USP36: variants seen among roughly 807,000 people sequenced by gnomAD.
USP36 encodes the protein ubiquitin specific peptidase 36, also known as ubiquitin carboxyl-terminal hydrolase 36.
USP36 carries 59 observed loss-of-function variants against 111.5 expected under a neutral mutation model. The ratio of observed to expected loss-of-function variants is 0.53; its 90% CI spans 0.43 to 0.66. The LOEUF is 0.66. Among genes scored for constraint, USP36 ranks in the 30% least tolerant of loss-of-function variants. The pLI is 0.00. For missense variants in USP36, 1,488 were observed against 1,468.0 expected (o/e 1.01, Z -0.22); for synonymous variants, 628 against 581.0 (o/e 1.08, Z -1.16).
chr17:78,820,879 G>C (rs1353403455), intron 8 of USP36, 112 bp downstream of exon 8: 1 of 1,148,584 alleles, frequency 8.7e-7, no homozygotes, highest in African/African-American at 1.5e-5. Context: ...GGGAGCAAAG[G>C]AGTTTTCTCC....
In USP36 at chr17:78,835,275, C is replaced by T. The variant is rs779121096; in HGVS notation, c.475+5G>A. ...GCCACCCCACTGCTGCAAACCCACA[C>T]TCACAGCTGCGAGCATGCTCCTTGG... On this transcript the variant is annotated splice_donor_5th_base_variant and intron_variant, in intron 4 of 20. Transcript: ENST00000449938. 11 of 1,613,664 alleles carry T rather than the reference C, an allele frequency of 6.8e-6. No individual in the cohort carries two copies. In the East Asian group the frequency reaches 1.3e-4, roughly 20 times the overall value.
chr17:78,820,816 A>G (rs952106674), intron 8 of USP36, among the ~76,000 whole-genome samples, 175 bp downstream of exon 8: 2 of 152,236 alleles, frequency 1.3e-5, no homozygotes, highest in Non-Finnish European at 2.9e-5. Flanking sequence ...TACGCTTAGG[A>G]AAAACTCTAG....
intron 13 of USP36, among the ~76,000 whole-genome samples, chr17:78,811,130 CAAAA>C (rs969048033): frequency 8.4e-3 from 239 of 28,324 alleles, no homozygotes; most frequent in African/African-American, 0.029. Context: ...GACTCTGTCT[CAAAA>C]AAAAAAAAAA....
At chr17:78,809,181 T>C (rs768952333) in intron 13 of USP36, among the ~76,000 whole-genome samples, 6 of 152,202 alleles carry the variant, frequency 3.9e-5, no homozygotes, top group Admixed American at 3.3e-4. Flanking sequence ...TATTGCTTCA[T>C]TTGTTTGTAG....
intron 1 of USP36, among the ~76,000 whole-genome samples, chr17:78,839,359 G>A (rs1226495433): frequency 2.0e-5 from 3 of 152,048 alleles, no homozygotes; most frequent in African/African-American, 4.8e-5. Context: ...GCAAATCTCA[G>A]ACCTATGACT....
intron 15 of USP36, 25 bp from the exon 16 acceptor site, chr17:78,804,003 G>T (rs2093825879): frequency 6.6e-7 from 1 of 1,521,262 alleles, no homozygotes; most frequent in Non-Finnish European, 8.9e-7. Context: ...AGGAAACAGG[G>T]AGAGGATGTT....
chr17:78,828,866 C>T (rs1257557443), intron 5 of USP36, 31 bp downstream of exon 5: 5 of 1,604,520 alleles, frequency 3.1e-6, no homozygotes, highest in African/African-American at 2.7e-5. Flanking sequence ...ATAAATAAAT[C>T]ACAAAAATTT....
At chr17:78,814,629 C>T in intron 10 of USP36, 77 bp from the exon 11 acceptor site, 1 of 1,536,720 alleles carries the variant, frequency 6.5e-7, no homozygotes, top group Non-Finnish European at 8.8e-7. Flanking sequence ...CCATCCACAA[C>T]CACACAAAAT....
Position 78,796,293 on chromosome 17 carries a change from A to C in USP36, c.*1607T>G, listed in dbSNP as rs1158558524. Reference sequence around the variant, plus strand: ...AGTTCACACAGGAATGCAAGTCAACACCCCGAGAAGAAAAGGAACATACCC... The same window carrying C: ...AGTTCACACAGGAATGCAAGTCAACCCCCCGAGAAGAAAAGGAACATACCC... On this transcript the variant is annotated 3_prime_UTR_variant, in exon 21 of 21. Coordinates refer to ENST00000449938, the MANE Select transcript of USP36 (RefSeq NM_001385174.1). 1 of 152,124 alleles carries C rather than the reference A, an allele frequency of 6.6e-6. No individual in the cohort carries two copies. The highest frequency in any genetic ancestry group is 2.4e-5 in the African/African-American group (1 of 41,414). 9.4% of individuals were successfully genotyped at this position (152,124 alleles called of 1,614,324 possible).
At chr17:78,790,229 A>G (rs1448685391) in intron 3 of USP36, among the ~76,000 whole-genome samples, 1 of 151,316 alleles carries the variant, frequency 6.6e-6, no homozygotes, top group Non-Finnish European at 1.5e-5. Context: ...AGCTGGGATT[A>G]CAGGCACCCA....
chr17:78,806,121 A>T, intron 15 of USP36, 35 bp downstream of exon 15: 1 of 1,611,880 alleles, frequency 6.2e-7, no homozygotes, highest in Non-Finnish European at 8.5e-7. Context: ...AGGGAGAACC[A>T]GTTGGCACCC....
In USP36 at chr17:78,796,054, T is replaced by A. The variant is rs910833122; in HGVS notation, c.*1846A>T. 3 of 152,084 alleles carry A rather than the reference T, an allele frequency of 2.0e-5. No individual in the cohort carries two copies. The highest frequency in any genetic ancestry group is 2.9e-5 in the Non-Finnish European group (2 of 68,016). 9.4% of individuals were successfully genotyped at this position (152,084 alleles called of 1,614,324 possible). On this transcript the variant is annotated 3_prime_UTR_variant, in exon 21 of 21. Coordinates refer to ENST00000449938, the MANE Select transcript of USP36 (RefSeq NM_001385174.1). Reference sequence around the variant, plus strand: ...GGGACGTGACTCCACCCAACAGTGATAAACGCTGCAGAAAGTCATCTCGTG... The same window carrying A: ...GGGACGTGACTCCACCCAACAGTGAAAAACGCTGCAGAAAGTCATCTCGTG...
At chr17:78,802,704 G>A (rs1352117538) in intron 16 of USP36, among the ~76,000 whole-genome samples, 169 bp from the exon 17 acceptor site, 3 of 152,140 alleles carry the variant, frequency 2.0e-5, no homozygotes, top group African/African-American at 4.8e-5. Flanking sequence ...CGCTCCACAC[G>A]CAGCCACGGA....
At chr17:78,799,243 C>A (rs193230875) in intron 18 of USP36, among the ~76,000 whole-genome samples, 44 of 152,334 alleles carry the variant, frequency 2.9e-4, no homozygotes, top group Admixed American at 1.9e-3. Context: ...AAACCCTAAA[C>A]CACAGCCAAA....
In USP36 at chr17:78,807,288, G is replaced by A; in HGVS notation, c.1756C>T (p.Leu586=). Residue 586 remains leucine, a synonymous_variant, in exon 14 of 21, where the codon CTG becomes TTG. Transcript: ENST00000449938. ...TGCCCGTTGGCAGTGGCTGTAGCCAGGAGCTTAGGTGAGGTAGAGAGGACA... is the reference window on the plus strand; with the variant it reads ...TGCCCGTTGGCAGTGGCTGTAGCCAAGAGCTTAGGTGAGGTAGAGAGGACA... ...DVVLSTSPKL[L]ATATANGHGL... 2 of 1,614,172 alleles carry A rather than the reference G, an allele frequency of 1.2e-6. No homozygotes were observed. Among genetic ancestry groups the A allele is most frequent in the Non-Finnish European group, 1.7e-6 (2 of 1,180,016 alleles).
At chr17:78,839,266 G>C (rs2069012433) in intron 1 of USP36, among the ~76,000 whole-genome samples, 1 of 152,106 alleles carries the variant, frequency 6.6e-6, no homozygotes, top group South Asian at 2.1e-4. Context: ...ACCGCACAGG[G>C]AGCACATGAG....
intron 8 of USP36, among the ~76,000 whole-genome samples, chr17:78,820,603 C>T (rs891088942): frequency 2.0e-5 from 3 of 152,306 alleles, no homozygotes; most frequent in East Asian, 1.9e-4. Flanking sequence ...ACCACCCTCC[C>T]GCACCCTGTA....
chr17:78,810,929 C>T (rs1416383076), intron 13 of USP36, among the ~76,000 whole-genome samples: 2 of 152,006 alleles, frequency 1.3e-5, no homozygotes, highest in African/African-American at 4.8e-5. Flanking sequence ...GCCTGGCCAA[C>T]ATGGTGAAAC....
At position 78,806,235 on chromosome 17, in the gene USP36, AG is replaced by A. The variant is rs1163216113; in HGVS notation, c.2136del (p.Ser713HisfsTer10). 2.5e-6 allele frequency: 4 copies of A among 1,613,578 alleles called. No individual in the cohort carries two copies. Among genetic ancestry groups the A allele is most frequent in the Non-Finnish European group, 3.4e-6 (4 of 1,179,934 alleles). ...ATGNDLRPPPPSPSSDLTHPM... is the reference protein window; with the variant it reads ...ATGNDLRPPPXSPSSDLTHPM... ...GGGTGGGTGAGGTCGGAGGATGGTG[AG>A]GGGGGAGGTGGACGGAGGTCATTGC... On this transcript the variant is annotated frameshift_variant, in exon 15 of 21. Coordinates refer to ENST00000449938, the MANE Select transcript of USP36 (RefSeq NM_001385174.1). LOFTEE classifies it high-confidence loss of function.
Sources: gnomAD v4.1 joint callset for allele counts (sites outside exome capture counted in the v4.1 genomes callset) on GRCh38, gnomAD v4.1.1 for gene constraint, MANE v1.5 for transcripts, NCBI Gene and HGNC (gene_info 2026-07-23, HGNC 2026-07-21) for gene names.